TAF1B: variants seen among roughly 807,000 people sequenced by gnomAD.
The protein encoded by TAF1B is TATA box-binding protein-associated factor RNA polymerase I subunit B.
In TAF1B, 61 loss-of-function variants were observed where a neutral mutation model predicts 83.9. The observed-to-expected ratio is 0.73, with a 90% CI of 0.59 to 0.90. TAF1B has a LOEUF of 0.90. Among genes scored for constraint, TAF1B ranks in the 40% least tolerant of loss-of-function variants. The probability of loss-of-function intolerance (pLI) is 0.00; values close to 1 mark genes in which losing one functional copy is unlikely to be tolerated. For missense variants in TAF1B, 625 were observed against 677.0 expected, an observed-to-expected ratio of 0.92 and a Z score of 0.85; for synonymous variants, 221 against 224.6, an observed-to-expected ratio of 0.98 and a Z score of 0.14.
chr2:9,843,902 T>G, intron 1 of TAF1B: 7 of 155,270 alleles, frequency 4.5e-5, no homozygotes, highest in East Asian at 1.9e-4. Flanking sequence ...TTCCCTTTAA[T>G]GCTGGGGTGG....
intron 6 of TAF1B, chr2:9,868,873 C>G: frequency 2.9e-6 from 1 of 340,924 alleles, no homozygotes; most frequent in Non-Finnish European, 5.7e-6. Context: ...GTTTTACTTT[C>G]TGATATAATT....
At chr2:9,850,865 C>T (rs936246553) in intron 3 of TAF1B, among the ~76,000 whole-genome samples, 3 of 152,148 alleles carry the variant, frequency 2.0e-5, no homozygotes, top group African/African-American at 7.2e-5. Context: ...ACGTAAGATA[C>T]CTGGCACACA....
chr2:9,879,579 T>C (rs899821966), intron 7 of TAF1B, among the ~76,000 whole-genome samples: 3 of 152,190 alleles, frequency 2.0e-5, no homozygotes, highest in Non-Finnish European at 4.4e-5. Flanking sequence ...ACTGCTGTAC[T>C]GGCATTCCGG....
chr2:9,896,143 C>T (rs1665011552), intron 8 of TAF1B, among the ~76,000 whole-genome samples: 1 of 152,118 alleles, frequency 6.6e-6, no homozygotes, highest in Non-Finnish European at 1.5e-5. Context: ...CTGTATGTCA[C>T]ATTTATTATT....
chr2:9,895,362 G>T (rs1238014763), intron 8 of TAF1B, among the ~76,000 whole-genome samples: 2 of 152,278 alleles, frequency 1.3e-5, no homozygotes, highest in Non-Finnish European at 1.5e-5. Flanking sequence ...TTAGCCGGGC[G>T]TGGCGGCACC....
At chr2:9,869,601 C>T (rs115360600) in intron 6 of TAF1B, among the ~76,000 whole-genome samples, 4,571 of 151,628 alleles carry the variant, frequency 0.03, 118 homozygotes, top group Non-Finnish European at 0.047. Context: ...AATGGCCGGG[C>T]GTAGTGGCTC....
chr2:9,898,049 A>G, intron 8 of TAF1B, among the ~76,000 whole-genome samples: 1 of 151,526 alleles, frequency 6.6e-6, no homozygotes, highest in Middle Eastern at 3.2e-3. Flanking sequence ...CTCTTTCCAA[A>G]CTTGGAGAGT....
chr2:9,903,331 C>T (rs1476265690), intron 8 of TAF1B, among the ~76,000 whole-genome samples: 1 of 152,084 alleles, frequency 6.6e-6, no homozygotes, highest in Non-Finnish European at 1.5e-5. Context: ...ATGATCCGCC[C>T]GGCTCGGCCT....
intron 6 of TAF1B, among the ~76,000 whole-genome samples, chr2:9,870,252 G>T (rs1664125699): frequency 6.6e-6 from 1 of 152,138 alleles, no homozygotes; most frequent in Non-Finnish European, 1.5e-5. Context: ...CATTTTGGGA[G>T]GCCAAGGAGG....
In TAF1B at chr2:9,880,356, G is replaced by T. The variant is rs1044274328; in HGVS notation, c.708-2350G>T. 6.1e-5 allele frequency among the ~76,000 whole-genome samples: 9 copies of T among 147,526 alleles called. 1 individual carries two copies. In the South Asian group the frequency reaches 2.0e-3, roughly 33 times the overall value. On this transcript the variant is annotated intron_variant, in intron 7 of 14. Transcript: ENST00000263663. ...CACCAGTTTTTCTGTCAACTTCCTG[G>T]ATTGATCTAGAGAACTAGCTGATAA...
At chr2:9,864,195 C>T (rs914244447) in intron 5 of TAF1B, among the ~76,000 whole-genome samples, 12 of 151,890 alleles carry the variant, frequency 7.9e-5, no homozygotes, top group African/African-American at 1.2e-4. Flanking sequence ...ACTGATAGAC[C>T]GCTAGCAAGA....
chr2:9,925,868 C>T (rs997946632), intron 14 of TAF1B, among the ~76,000 whole-genome samples: 19 of 152,154 alleles, frequency 1.2e-4, no homozygotes, highest in Non-Finnish European at 2.4e-4. Context: ...AGCCACTGTG[C>T]CCAACCAAGT....
intron 2 of TAF1B, chr2:9,845,968 G>A (rs1005935959): frequency 4.6e-6 from 2 of 434,746 alleles, no homozygotes; most frequent in African/African-American, 4.1e-5. Flanking sequence ...GGGCAGCAGA[G>A]CAAGACTCTG....
chr2:9,896,681 C>CTG (rs34005120), intron 8 of TAF1B, among the ~76,000 whole-genome samples: 75,553 of 146,864 alleles, frequency 0.51, 22,479 homozygotes, highest in Non-Finnish European at 0.68. Context: ...CCCAGCTGAG[C>CTG]TTTCTTTCCA....
At chr2:9,896,782 CAG>C (rs1395019812) in intron 8 of TAF1B, among the ~76,000 whole-genome samples, 3 of 152,106 alleles carry the variant, frequency 2.0e-5, no homozygotes, top group Non-Finnish European at 2.9e-5. Flanking sequence ...ACATGGAATA[CAG>C]AGAGTGTTGA....
chr2:9,925,366 G>C (rs540304030), intron 14 of TAF1B, among the ~76,000 whole-genome samples: 4 of 152,088 alleles, frequency 2.6e-5, no homozygotes, highest in African/African-American at 9.6e-5. Flanking sequence ...CATGAACCCG[G>C]GAGGCGGAGC....
At chr2:9,926,847 T>C (rs1666057716) in intron 14 of TAF1B, among the ~76,000 whole-genome samples, 1 of 151,336 alleles carries the variant, frequency 6.6e-6, no homozygotes, top group South Asian at 2.1e-4. Flanking sequence ...TAACATTAGT[T>C]AGAGATTTGA....
chr2:9,892,580 G>T (rs900732938), intron 8 of TAF1B, among the ~76,000 whole-genome samples: 1 of 152,032 alleles, frequency 6.6e-6, no homozygotes, highest in Admixed American at 6.6e-5. Context: ...GGGCCCTCTA[G>T]GTTCACCCAT....
chr2:9,910,120 A>G (rs772583885), intron 9 of TAF1B, among the ~76,000 whole-genome samples: 12 of 152,086 alleles, frequency 7.9e-5, no homozygotes, highest in Non-Finnish European at 1.6e-4. Flanking sequence ...CATAACCTCA[A>G]TTTATTCTCA....
Sources: gnomAD v4.1 joint callset for allele counts (sites outside exome capture counted in the v4.1 genomes callset) on GRCh38, gnomAD v4.1.1 for gene constraint, MANE v1.5 for transcripts, NCBI Gene and HGNC (gene_info 2026-07-23, HGNC 2026-07-21) for gene names.